The following CCSER1 variants were observed in gnomAD, a reference collection of about 807,000 sequenced individuals.
CCSER1 encodes the protein serine-rich coiled-coil domain-containing protein 1.
CCSER1 carries 41 observed loss-of-function variants against 82.0 expected under a neutral mutation model. The ratio of observed to expected loss-of-function variants is 0.50; its 90% CI spans 0.39 to 0.65. CCSER1 has a LOEUF of 0.65. Ranked by LOEUF, CCSER1 falls within the 30% of genes least tolerant of loss-of-function variation. The pLI is 0.00. For missense variants in CCSER1, 1,119 were observed against 1,064.2 expected, an observed-to-expected ratio of 1.05 and a Z score of -0.72; for synonymous variants, 414 against 383.9, an observed-to-expected ratio of 1.08 and a Z score of -0.92.
At chr4:90,848,247 A>G (rs1763442074) in intron 8 of CCSER1, among the ~76,000 whole-genome samples, 1 of 152,222 alleles carries the variant, frequency 6.6e-6, no homozygotes, top group Admixed American at 6.5e-5. Context: ...TTTGTGGATC[A>G]CAACTATGAG....
Position 91,603,044 on chromosome 4 carries a change from C to T in CCSER1, c.*3987C>T, listed in dbSNP as rs893199167. On this transcript the variant is annotated 3_prime_UTR_variant, in exon 11 of 11. Coordinates refer to ENST00000509176, the MANE Select transcript of CCSER1 (RefSeq NM_001145065.2). ...TTTTTAAAACATGTCTTGTTTCTTT[C>T]TCATGTGGTAAATTTATCATGACAA... 1.3e-5 allele frequency among the ~76,000 whole-genome samples: 2 copies of T among 151,926 alleles called. No homozygotes were observed. Among genetic ancestry groups the T allele is most frequent in the Non-Finnish European group, 2.9e-5 (2 of 67,898 alleles).
chr4:90,236,866 A>G (rs1745895911), intron 1 of CCSER1, among the ~76,000 whole-genome samples: 1 of 152,044 alleles, frequency 6.6e-6, no homozygotes, highest in South Asian at 2.1e-4. Context: ...TGTATCCTAT[A>G]TGTGTGTATG....
Position 91,496,585 on chromosome 4 carries a change from TAC to T in CCSER1, c.2218-101984_2218-101983del, listed in dbSNP as rs1365825827. Among the ~76,000 whole-genome samples, 3 of 38,552 alleles carry T rather than the reference TAC, an allele frequency of 7.8e-5. 1 individual carries two copies. Among genetic ancestry groups the T allele is most frequent in the South Asian group, 2.0e-3 (2 of 988 alleles). 25.3% of individuals were successfully genotyped at this position (38,552 alleles called of 152,430 possible). A position where few individuals can be genotyped will look rare whatever the true frequency, so the allele number is the denominator to read the frequency against. On this transcript the variant is annotated intron_variant, in intron 10 of 10. Coordinates refer to ENST00000509176, the MANE Select transcript of CCSER1 (RefSeq NM_001145065.2). ...TCTTGTATATATATATATATATATA[TAC>T]ACGAATATATATTTGAATATATATA...
intron 6 of CCSER1, among the ~76,000 whole-genome samples, chr4:90,715,979 G>A (rs566563802): frequency 2.0e-5 from 3 of 151,484 alleles, no homozygotes; most frequent in African/African-American, 7.3e-5. Flanking sequence ...ATACTATATA[G>A]TATTGATATA....
At chr4:91,586,746 T>C (rs1470822377) in intron 10 of CCSER1, among the ~76,000 whole-genome samples, 1 of 151,754 alleles carries the variant, frequency 6.6e-6, no homozygotes, top group Non-Finnish European at 1.5e-5. Flanking sequence ...AATTATGTTG[T>C]ACCACACATT....
intron 3 of CCSER1, among the ~76,000 whole-genome samples, chr4:90,398,246 A>G (rs1318837285): frequency 6.6e-6 from 1 of 152,154 alleles, no homozygotes; most frequent in African/African-American, 2.4e-5. Flanking sequence ...AGCTTGTTTA[A>G]CCTTTATTGT....
chr4:91,111,956 G>A (rs1263731497), intron 10 of CCSER1, among the ~76,000 whole-genome samples: 3 of 151,804 alleles, frequency 2.0e-5, no homozygotes, highest in Non-Finnish European at 4.4e-5. Context: ...TCTAACCTTG[G>A]AAGGGCTACT....
At chr4:90,294,354 G>C (rs150274499) in intron 1 of CCSER1, among the ~76,000 whole-genome samples, 1 of 151,160 alleles carries the variant, frequency 6.6e-6, no homozygotes, top group Non-Finnish European at 1.5e-5. Flanking sequence ...TCCATAAAAA[G>C]GAAAAAAAAT....
chr4:91,074,442 C>T (rs890932726), intron 9 of CCSER1, among the ~76,000 whole-genome samples: 1 of 152,062 alleles, frequency 6.6e-6, no homozygotes, highest in African/African-American at 2.4e-5. Context: ...CACTGTGCTG[C>T]GTTTTATAAA....
At chr4:91,370,487 G>A (rs1749957333) in intron 10 of CCSER1, among the ~76,000 whole-genome samples, 1 of 152,170 alleles carries the variant, frequency 6.6e-6, no homozygotes, top group East Asian at 1.9e-4. Context: ...ATGAGGTCAG[G>A]AGTTCAAGAC....
intron 10 of CCSER1, among the ~76,000 whole-genome samples, chr4:91,315,340 A>G (rs983118190): frequency 6.6e-6 from 1 of 151,978 alleles, no homozygotes; most frequent in Admixed American, 6.6e-5. Flanking sequence ...AATAGAAAGC[A>G]GTACACCTCC....
chr4:90,897,093 C>G (rs1723823922), intron 8 of CCSER1, among the ~76,000 whole-genome samples: 1 of 151,562 alleles, frequency 6.6e-6, no homozygotes, highest in South Asian at 2.1e-4. Context: ...ACCAATTACA[C>G]TTTTTTTTAC....
chr4:91,225,129 G>A (rs1228996450), intron 10 of CCSER1, among the ~76,000 whole-genome samples: 1 of 145,370 alleles, frequency 6.9e-6, no homozygotes, highest in Non-Finnish European at 1.5e-5. Flanking sequence ...TACTGTGATA[G>A]AGTTTTACCT....
chr4:91,091,515 C>G (rs1723951315), intron 10 of CCSER1, among the ~76,000 whole-genome samples: 1 of 152,194 alleles, frequency 6.6e-6, no homozygotes, highest in South Asian at 2.1e-4. Context: ...GCAGTGGAAG[C>G]TTTTACCACA....
chr4:91,305,315 A>T (rs915846160), intron 10 of CCSER1, among the ~76,000 whole-genome samples: 1 of 152,106 alleles, frequency 6.6e-6, no homozygotes, highest in Non-Finnish European at 1.5e-5. Context: ...AAATAAAATG[A>T]CTATAACAGT....
Position 90,500,889 on chromosome 4 carries a change from T to C in CCSER1, c.1724+32535T>C, listed in dbSNP as rs368187856. The stretch of plus-strand genomic sequence containing the variant: ...ATTATTTTTCTAAGTAAAATATATA[T>C]GATGATAATAATTGGGAAACAAAGG... On this transcript the variant is annotated intron_variant, in intron 5 of 10. Coordinates refer to ENST00000509176, the MANE Select transcript of CCSER1 (RefSeq NM_001145065.2). Among the ~76,000 whole-genome samples, 282 of 152,122 alleles carry C rather than the reference T, an allele frequency of 1.9e-3. 1 individual carries two copies. The highest frequency in any genetic ancestry group is 3.6e-3 in the Non-Finnish European group (242 of 68,008).
chr4:91,459,273 G>C (rs1026547766), intron 10 of CCSER1, among the ~76,000 whole-genome samples: 42 of 151,998 alleles, frequency 2.8e-4, no homozygotes, highest in African/African-American at 9.4e-4. Flanking sequence ...AGGTTATAGA[G>C]CATAATTATT....
At chr4:91,115,868 T>A (rs1407157447) in intron 10 of CCSER1, among the ~76,000 whole-genome samples, 1 of 146,160 alleles carries the variant, frequency 6.8e-6, no homozygotes, top group African/African-American at 2.5e-5. Flanking sequence ...TATTTTTTTT[T>A]ATTATACTTT....
chr4:90,560,648 T>C (rs547514746), intron 5 of CCSER1, among the ~76,000 whole-genome samples: 3 of 152,316 alleles, frequency 2.0e-5, no homozygotes, highest in South Asian at 2.1e-4. Flanking sequence ...AATTAAAAAT[T>C]ACTCATCTAT....
Sources: allele counts gnomAD v4.1 joint callset (sites outside exome capture counted in the v4.1 genomes callset), GRCh38; gene constraint gnomAD v4.1.1; transcripts MANE v1.5; gene names NCBI Gene and HGNC (gene_info 2026-07-23, HGNC 2026-07-21).